The following CRMP1 variants were observed in gnomAD, a reference collection of about 807,000 sequenced individuals.
CRMP1 encodes dihydropyrimidinase-related protein 1.
CRMP1 carries 19 observed loss-of-function variants against 68.3 expected under a neutral mutation model. That is an observed-to-expected ratio of 0.28 (90% CI 0.19 to 0.41). CRMP1 has a LOEUF of 0.41. CRMP1 is among the 10% of genes least tolerant of loss of function. CRMP1 has a pLI of 1.00. For synonymous variants in CRMP1, 439 were observed against 399.6 expected (o/e 1.10, Z -1.18); for missense variants, 791 against 967.4 (o/e 0.82, Z 2.42).
intron 1 of CRMP1, among the ~76,000 whole-genome samples, chr4:5,885,949 CCATTTGTTA>C (rs1715555350): frequency 1.3e-5 from 2 of 151,882 alleles, no homozygotes; most frequent in African/African-American, 4.8e-5. Flanking sequence ...CAGTGCTCAC[CCATTTGTTA>C]CATGGCATTT....
chr4:5,847,410 G>C (rs1712304301), intron 6 of CRMP1, among the ~76,000 whole-genome samples: 1 of 152,186 alleles, frequency 6.6e-6, no homozygotes, highest in South Asian at 2.1e-4. Context: ...ATGGGGGCCA[G>C]AAGACAGATT....
Position 5,835,947 on chromosome 4 carries a change from A to G in CRMP1, c.1591T>C (p.Leu531=), listed in dbSNP as rs201312991. The G allele has an allele frequency of 3.0e-5, 48 of 1,580,814 alleles. No individual in the cohort carries two copies. The Middle Eastern group carries it at 6.7e-4, about 22-fold the overall frequency. The change falls in exon 11 of 14, where the codon TTG becomes CTG. Residue 531 remains leucine (L), a synonymous_variant. Transcript: ENST00000324989. ...TGACTTTTGGCTGTTATGGTCTTCA[A>G]CTTGTCGGGGTCCCAGATGACCACG... ...ADVVIWDPDK[L]KTITAKSHKS... is the part of the protein sequence containing the mutation.
chr4:5,829,025 T>A (rs1720131471), intron 11 of CRMP1, among the ~76,000 whole-genome samples: 1 of 150,118 alleles, frequency 6.7e-6, no homozygotes, highest in East Asian at 1.9e-4. Flanking sequence ...TGTCTTTAAA[T>A]AAAATTTTTT....
At chr4:5,873,246 A>G (rs1223711140) in intron 1 of CRMP1, among the ~76,000 whole-genome samples, 1 of 152,188 alleles carries the variant, frequency 6.6e-6, no homozygotes, top group Non-Finnish European at 1.5e-5. Flanking sequence ...TGCTAAGGGG[A>G]AAAGCATTCC....
intron 11 of CRMP1, among the ~76,000 whole-genome samples, chr4:5,833,743 C>T (rs898780911): frequency 3.3e-5 from 5 of 152,102 alleles, no homozygotes; most frequent in African/African-American, 1.2e-4. Flanking sequence ...GGCCTCTGAT[C>T]CCACACTGAA....
At position 5,863,106 on chromosome 4, in the gene CRMP1, CTTTTTTT is replaced by C. The variant is rs1420042455; in HGVS notation, c.471-1903_471-1897del. Among the ~76,000 whole-genome samples, 466 of 110,504 alleles carry C rather than the reference CTTTTTTT, an allele frequency of 4.2e-3. 5 individuals carry two copies. Among genetic ancestry groups the C allele is most frequent in the African/African-American group, 0.012 (447 of 37,128 alleles). The allele number at this position is 110,504 out of a possible 152,430, so 72.5% of individuals were successfully genotyped here. A position where few individuals can be genotyped will look rare whatever the true frequency, so the allele number is the denominator to read the frequency against. On this transcript the variant is annotated intron_variant, in intron 2 of 13. Coordinates refer to ENST00000324989, the MANE Select transcript of CRMP1 (RefSeq NM_001014809.3). ...TGAACAAACATGCCTGACCTTTTTTCTTTTTTTCCTTTTTTTTTTTTTTTAAAGAAAC... is the reference window on the plus strand; with the variant it reads ...TGAACAAACATGCCTGACCTTTTTTCCCTTTTTTTTTTTTTTTAAAGAAAC...
Position 5,850,453 on chromosome 4 carries a change from G to A in CRMP1, c.882+955C>T, listed in dbSNP as rs570944979. Among the ~76,000 whole-genome samples the A allele has an allele frequency of 3.3e-5, 5 of 152,198 alleles. No individual in the cohort carries two copies. The highest frequency in any genetic ancestry group is 1.2e-4 in the African/African-American group (5 of 41,526). On this transcript the variant is annotated intron_variant, in intron 5 of 13. Transcript: ENST00000324989. The surrounding 1 kb of genome is among the most constrained non-coding windows in gnomAD (Gnocchi z 4.4). ...TATCAAAGGCCTCCAGGACATCTTGGGATAAGTTATTTTCTGTAACCCCAA... is the reference window on the plus strand; with the variant it reads ...TATCAAAGGCCTCCAGGACATCTTGAGATAAGTTATTTTCTGTAACCCCAA...
chr4:5,828,237 C>T (rs1719992259), intron 12 of CRMP1: 1 of 985,290 alleles, frequency 1.0e-6, no homozygotes, highest in African/African-American at 1.7e-5. Flanking sequence ...CTCCCATGAT[C>T]CACCCACCCT....
chr4:5,875,518 C>T (rs933176060), intron 1 of CRMP1, among the ~76,000 whole-genome samples: 16 of 152,140 alleles, frequency 1.1e-4, no homozygotes, highest in South Asian at 6.2e-4. Flanking sequence ...GCTGTTATTA[C>T]GGTGACAGAG....
chr4:5,869,982 C>T (rs1039040192), intron 1 of CRMP1, among the ~76,000 whole-genome samples: 1 of 152,204 alleles, frequency 6.6e-6, no homozygotes, highest in Non-Finnish European at 1.5e-5. Context: ...CTTATGGCAT[C>T]AGCCACAATG....
At position 5,841,444 on chromosome 4, in the gene CRMP1, A is replaced by C; in HGVS notation, c.1033-16T>G. On this transcript the variant is annotated splice_polypyrimidine_tract_variant and intron_variant, in intron 7 of 13. Coordinates refer to ENST00000324989, the MANE Select transcript of CRMP1 (RefSeq NM_001014809.3). The surrounding 1 kb of genome is among the most constrained non-coding windows in gnomAD (Gnocchi z 6.9). Reference sequence around the variant, plus strand: ...CGGCCTCCAGCTGAACACGGCACACACAGTGTCACAGGAGGGAAGGCTGGT... The same window carrying C: ...CGGCCTCCAGCTGAACACGGCACACCCAGTGTCACAGGAGGGAAGGCTGGT... 6.2e-7 allele frequency: 1 copy of C among 1,613,512 alleles called. No individual in the cohort carries two copies. Among genetic ancestry groups the C allele is most frequent in the Non-Finnish European group, 8.5e-7 (1 of 1,179,518 alleles).
chr4:5,864,607 C>A (rs1327194245), intron 2 of CRMP1, among the ~76,000 whole-genome samples: 1 of 152,114 alleles, frequency 6.6e-6, no homozygotes, highest in African/African-American at 2.4e-5. Context: ...GGTCAAGGAG[C>A]GATGCAGTGT....
At chr4:5,871,860 G>A (rs1714478123) in intron 1 of CRMP1, among the ~76,000 whole-genome samples, 1 of 152,190 alleles carries the variant, frequency 6.6e-6, no homozygotes, top group Non-Finnish European at 1.5e-5. Flanking sequence ...TCCCACAGAA[G>A]AGACCGTAGG....
chr4:5,823,748 C>T (rs1477129768), intron 13 of CRMP1, among the ~76,000 whole-genome samples: 9 of 152,320 alleles, frequency 5.9e-5, no homozygotes, highest in South Asian at 2.1e-4. Context: ...CAGAAGCAGA[C>T]GCTGGCACCG....
intron 3 of CRMP1, among the ~76,000 whole-genome samples, chr4:5,856,912 T>TCACCAC (rs140408470): frequency 4.5e-4 from 4 of 8,896 alleles, no homozygotes; most frequent in Non-Finnish European, 7.7e-4. Flanking sequence ...ACTAACATTA[T>TCACCAC]CACCACCACC....
intron 1 of CRMP1, chr4:5,887,918 G>T: frequency 1.5e-6 from 1 of 645,160 alleles, no homozygotes. Context: ...TCCCTCTTTT[G>T]TTCGGCTCCG....
At position 5,842,228 on chromosome 4, in the gene CRMP1, ACT is replaced by A. The variant is rs1432095970; in HGVS notation, c.1033-802_1033-801del. On this transcript the variant is annotated intron_variant, in intron 7 of 13. Transcript: ENST00000324989. The surrounding 1 kb of genome is among the most constrained non-coding windows in gnomAD (Gnocchi z 4.5). ...ACTCCAGCCTGGGCGACAGAGCGAGACTCTGTCTCAAAAACAAACAAAACAAA... is the reference window on the plus strand; with the variant it reads ...ACTCCAGCCTGGGCGACAGAGCGAGACTGTCTCAAAAACAAACAAAACAAA... Among the ~76,000 whole-genome samples the A allele has an allele frequency of 6.6e-6, 1 of 151,898 alleles. No individual in the cohort carries two copies. Among genetic ancestry groups the A allele is most frequent in the Non-Finnish European group, 1.5e-5 (1 of 67,946 alleles).
At position 5,823,843 on chromosome 4, in the gene CRMP1, A is replaced by G. The variant is rs79558456; in HGVS notation, c.1969+1651T>C. Among the ~76,000 whole-genome samples, 931 of 152,350 alleles carry G rather than the reference A, an allele frequency of 6.1e-3. 11 individuals carry two copies. Among genetic ancestry groups the G allele is most frequent in the African/African-American group, 0.021 (873 of 41,584 alleles). ...CAGGTAATCCTTTATAGCAATGTAA[A>G]TGGACGAAAACAGACACTAACTCAT... On this transcript the variant is annotated intron_variant, in intron 13 of 13. Transcript: ENST00000324989.
rs546026079 is a variant in CRMP1, at chr4:5,843,519, G to A, written c.964-358C>T. Among the ~76,000 whole-genome samples, 7 of 152,120 alleles carry A rather than the reference G, an allele frequency of 4.6e-5. No homozygotes were observed. The highest frequency in any genetic ancestry group is 2.6e-4 in the Admixed American group (4 of 15,290). ...CCTCTGGGAAGAAACGTGGTGTTTG[G>A]GTACAACATGGATATCTTCAACTAG... On this transcript the variant is annotated intron_variant, in intron 6 of 13. Coordinates refer to ENST00000324989, the MANE Select transcript of CRMP1 (RefSeq NM_001014809.3). The surrounding 1 kb of genome is among the most constrained non-coding windows in gnomAD (Gnocchi z 4.1).
Sources: allele counts gnomAD v4.1 joint callset (sites outside exome capture counted in the v4.1 genomes callset), GRCh38; gene constraint gnomAD v4.1.1; non-coding constraint Gnocchi (gnomAD v3.1); transcripts MANE v1.5; gene names NCBI Gene and HGNC (gene_info 2026-07-23, HGNC 2026-07-21).